SSBP3: variants seen among roughly 807,000 people sequenced by gnomAD.
SSBP3 encodes single stranded DNA binding protein 3, also known as single-stranded DNA-binding protein 3.
SSBP3 carries 5 observed loss-of-function variants against 69.6 expected under a neutral mutation model. The observed-to-expected ratio is 0.07, with a 90% CI of 0.04 to 0.15. SSBP3 has a LOEUF of 0.15. Ranked by LOEUF, SSBP3 falls within the 10% of genes least tolerant of loss-of-function variation. SSBP3 has a pLI of 1.00. For synonymous variants in SSBP3, 196 were observed against 193.4 expected, an observed-to-expected ratio of 1.01 and a Z score of -0.11; for missense variants, 312 against 534.0, an observed-to-expected ratio of 0.58 and a Z score of 4.10.
chr1:54,303,123 A>G (rs1201728014), intron 4 of SSBP3, among the ~76,000 whole-genome samples: 1 of 152,224 alleles, frequency 6.6e-6, no homozygotes, highest in East Asian at 1.9e-4. Context: ...ACACCGCGCT[A>G]ATTACACAGC....
chr1:54,311,696 C>CCCT (rs1160558710), intron 4 of SSBP3, among the ~76,000 whole-genome samples: 2 of 152,144 alleles, frequency 1.3e-5, no homozygotes, highest in Non-Finnish European at 2.9e-5. Context: ...TGAGCAGCAG[C>CCCT]CCTCCTGTCC....
intron 4 of SSBP3, among the ~76,000 whole-genome samples, chr1:54,282,450 G>C (rs1645412595): frequency 1.3e-5 from 2 of 152,234 alleles, no homozygotes; most frequent in Non-Finnish European, 2.9e-5. Flanking sequence ...CGCGAAGTGG[G>C]GGGACCGTCA....
intron 4 of SSBP3, among the ~76,000 whole-genome samples, chr1:54,380,485 G>A (rs1327198486): frequency 2.0e-5 from 3 of 152,178 alleles, no homozygotes; most frequent in African/African-American, 4.8e-5. Context: ...CACATGCTCC[G>A]AGTTAAAAAC....
intron 4 of SSBP3, among the ~76,000 whole-genome samples, chr1:54,353,588 G>A (rs72665941): frequency 0.1 from 15,251 of 152,196 alleles, 1,031 homozygotes; most frequent in Middle Eastern, 0.18. Flanking sequence ...TGACCCAGGT[G>A]CATTGTCAGA....
chr1:54,320,354 C>T (rs1386630047), intron 4 of SSBP3, among the ~76,000 whole-genome samples: 1 of 152,172 alleles, frequency 6.6e-6, no homozygotes, highest in Non-Finnish European at 1.5e-5. Flanking sequence ...GAGACAGAGT[C>T]TTACTCTGTC....
At chr1:54,404,813 G>GC in intron 2 of SSBP3, 45 bp downstream of exon 2, 2 of 1,013,602 alleles carry the variant, frequency 2.0e-6, no homozygotes, top group Non-Finnish European at 2.9e-6. Flanking sequence ...AATAGTGGGG[G>GC]GGGGGGGTGT....
intron 5 of SSBP3, among the ~76,000 whole-genome samples, chr1:54,263,109 G>A (rs1220420880): frequency 6.6e-6 from 1 of 152,318 alleles, no homozygotes; most frequent in Non-Finnish European, 1.5e-5. Flanking sequence ...GGGTGTGATC[G>A]AGGCAAACAC....
At chr1:54,241,789 G>GA (rs1387270061) in intron 11 of SSBP3, among the ~76,000 whole-genome samples, 3 of 152,340 alleles carry the variant, frequency 2.0e-5, no homozygotes. Context: ...GAGAGGGCAG[G>GA]AAACAGCTTT....
chr1:54,342,066 G>T (rs1472120379), intron 4 of SSBP3, among the ~76,000 whole-genome samples: 1 of 152,192 alleles, frequency 6.6e-6, no homozygotes, highest in African/African-American at 2.4e-5. Context: ...ACGCGCAGAG[G>T]GATTTCCTGG....
intron 4 of SSBP3, among the ~76,000 whole-genome samples, chr1:54,308,532 C>T (rs1015555264): frequency 4.0e-5 from 6 of 148,502 alleles, no homozygotes; most frequent in African/African-American, 1.5e-4. Context: ...ACCCGGGAGG[C>T]GGAGCTTGCA....
chr1:54,337,871 G>A (rs112612372), intron 4 of SSBP3, among the ~76,000 whole-genome samples: 1,761 of 152,244 alleles, frequency 0.012, 37 homozygotes, highest in African/African-American at 0.04. Flanking sequence ...GCTCACGTCT[G>A]TAACCCCAAA....
chr1:54,379,773 G>A (rs1647471019), intron 4 of SSBP3, among the ~76,000 whole-genome samples: 1 of 152,108 alleles, frequency 6.6e-6, no homozygotes, highest in South Asian at 2.1e-4. Flanking sequence ...GCTTTCTCTG[G>A]ACATCACTCC....
At chr1:54,357,076 G>C (rs1408989895) in intron 4 of SSBP3, among the ~76,000 whole-genome samples, 1 of 152,152 alleles carries the variant, frequency 6.6e-6, no homozygotes, top group Non-Finnish European at 1.5e-5. Flanking sequence ...GAGAATCAAG[G>C]AAAGGCCCCT....
In SSBP3 at chr1:54,240,045, GGGGTGTGTGTGTGTGTGTGTGTGTGTGT is replaced by G. The variant is rs1396355193; in HGVS notation, c.856+832_857-847del. 3.7e-3 allele frequency among the ~76,000 whole-genome samples: 245 copies of G among 65,456 alleles called. 4 individuals carry two copies. The highest frequency in any genetic ancestry group is 0.036 in the South Asian group (70 of 1,944). The allele number at this position is 65,456 out of a possible 152,430, so 42.9% of individuals were successfully genotyped here. A position where few individuals can be genotyped will look rare whatever the true frequency, so the allele number is the denominator to read the frequency against. On this transcript the variant is annotated intron_variant, in intron 13 of 17. Coordinates refer to ENST00000610401, the Ensembl canonical transcript of SSBP3. ...GCTGGGAAAGAAACATAATTGTGAT[GGGGTGTGTGTGTGTGTGTGTGTGTGTGT>G]GTGTGTGTGTGTGTGCGCGCGCGCG...
intron 4 of SSBP3, among the ~76,000 whole-genome samples, chr1:54,292,474 C>T (rs1645625368): frequency 6.6e-6 from 1 of 152,136 alleles, no homozygotes; most frequent in Non-Finnish European, 1.5e-5. Flanking sequence ...CCTCTACGGC[C>T]CCAGCTGCCC....
At chr1:54,372,983 A>G (rs1647159611) in intron 4 of SSBP3, among the ~76,000 whole-genome samples, 2 of 152,190 alleles carry the variant, frequency 1.3e-5, no homozygotes, top group African/African-American at 2.4e-5. Context: ...TGTTTTTGTA[A>G]AAAATGCAAT....
In SSBP3 at chr1:54,367,287, C is replaced by A. The variant is rs185105591; in HGVS notation, c.276+34574G>T. 2.1e-3 allele frequency among the ~76,000 whole-genome samples: 314 copies of A among 152,260 alleles called. 1 individual carries two copies. The highest frequency in any genetic ancestry group is 7.2e-3 in the African/African-American group (300 of 41,540). ...ATACTCACCTTCTGAGAATACCAGC[C>A]ATCGTTTTGGAGTCAGGCATGATCC... On this transcript the variant is annotated intron_variant, in intron 4 of 17. Coordinates refer to ENST00000610401, the Ensembl canonical transcript of SSBP3.
At chr1:54,391,549 T>G (rs954392789) in intron 4 of SSBP3, among the ~76,000 whole-genome samples, 21 of 152,220 alleles carry the variant, frequency 1.4e-4, no homozygotes, top group Non-Finnish European at 3.1e-4. Context: ...CCCTCTCCAC[T>G]GCCTCCTCTC....
At chr1:54,363,018 G>C (rs967640453) in intron 4 of SSBP3, among the ~76,000 whole-genome samples, 7 of 152,092 alleles carry the variant, frequency 4.6e-5, no homozygotes, top group African/African-American at 1.7e-4. Context: ...TATTTACACA[G>C]GGAGTCTTGG....
Sources: gnomAD v4.1 joint callset for allele counts (sites outside exome capture counted in the v4.1 genomes callset) on GRCh38, gnomAD v4.1.1 for gene constraint, MANE v1.5 for transcripts, NCBI Gene and HGNC (gene_info 2026-07-23, HGNC 2026-07-21) for gene names.